Variants in RASAL2 observed in about 807,000 individuals in gnomAD.
The protein encoded by RASAL2 is RAS protein activator like 2.
Under a neutral mutation model 128.9 loss-of-function variants are expected in RASAL2, and 58 were observed. The observed-to-expected ratio is 0.45, with a 90% CI of 0.36 to 0.56. The LOEUF is 0.56. Ranked by LOEUF, RASAL2 falls within the 20% of genes least tolerant of loss-of-function variation. The pLI, the probability that RASAL2 is intolerant of heterozygous loss-of-function variation, is 0.00. For missense variants in RASAL2, 1,360 were observed against 1,601.6 expected (o/e 0.85, Z 2.57); for synonymous variants, 561 against 580.8 (o/e 0.97, Z 0.49).
At chr1:178,148,289 C>A (rs942396726) in intron 1 of RASAL2, among the ~76,000 whole-genome samples, 18 of 151,806 alleles carry the variant, frequency 1.2e-4, no homozygotes, top group African/African-American at 4.1e-4. Flanking sequence ...TCAGTTTTGA[C>A]CCCTGTGGGG....
At position 178,452,509 on chromosome 1, in the gene RASAL2, T is replaced by G; in HGVS notation, c.1866T>G (p.Ser622Arg). The change falls in exon 11 of 18, where the codon AGT becomes AGG. Residue 622 changes from serine (S) to arginine (R), a missense_variant. This residue lies in a region of RASAL2 where 741 missense variants were observed against 868.6 expected (regional missense o/e 0.85). Coordinates refer to ENST00000367649, the MANE Select transcript of RASAL2 (RefSeq NM_170692.4). ...AAGACATCAGCGAGAGGCTCATCAGTGCCTCATTATTTCTCCGTTTTCTGT... is the reference window on the plus strand; with the variant it reads ...AAGACATCAGCGAGAGGCTCATCAGGGCCTCATTATTTCTCCGTTTTCTGT... ...GKQDISERLI[S>R]ASLFLRFLCP... is the part of the protein sequence containing the mutation. The G allele has an allele frequency of 6.2e-7, 1 of 1,614,034 alleles. No homozygotes were observed. Among genetic ancestry groups the G allele is most frequent in the Non-Finnish European group, 8.5e-7 (1 of 1,179,910 alleles).
At chr1:178,234,999 G>A (rs922284933) in intron 1 of RASAL2, among the ~76,000 whole-genome samples, 2 of 152,046 alleles carry the variant, frequency 1.3e-5, no homozygotes, top group African/African-American at 2.4e-5. Context: ...GAATTTTAGT[G>A]ATACTCTTAA....
intron 4 of RASAL2, among the ~76,000 whole-genome samples, chr1:178,415,193 G>A (rs942483489): frequency 1.3e-5 from 2 of 151,876 alleles, no homozygotes; most frequent in African/African-American, 4.8e-5. Flanking sequence ...TCTAGTATAT[G>A]CATTCAATGC....
At chr1:178,441,062 G>A (rs946746914) in intron 6 of RASAL2, among the ~76,000 whole-genome samples, 5 of 124,020 alleles carry the variant, frequency 4.0e-5, no homozygotes, top group Admixed American at 1.7e-4. Flanking sequence ...TTCCTTGGAT[G>A]AATTTAAAAT....
At chr1:178,218,393 TAGTC>T (rs766308457) in intron 1 of RASAL2, among the ~76,000 whole-genome samples, 6 of 152,136 alleles carry the variant, frequency 3.9e-5, no homozygotes, top group Non-Finnish European at 5.9e-5. Flanking sequence ...GGGCTTAATA[TAGTC>T]AGTATGCGGC....
At chr1:178,332,639 T>A (rs1349794962) in intron 3 of RASAL2, among the ~76,000 whole-genome samples, 2 of 143,224 alleles carry the variant, frequency 1.4e-5, no homozygotes, top group East Asian at 4.1e-4. Context: ...TGAGACGGAG[T>A]CTCACTCTGC....
chr1:178,442,641 A>C (rs1406212766), intron 7 of RASAL2, 34 bp from the exon 8 acceptor site: 2 of 1,543,894 alleles, frequency 1.3e-6, no homozygotes, highest in African/African-American at 1.4e-5. Flanking sequence ...CTGCAATGTC[A>C]GCTCTGAAAT....
At chr1:178,267,268 A>G (rs1310126164) in intron 1 of RASAL2, among the ~76,000 whole-genome samples, 2 of 152,154 alleles carry the variant, frequency 1.3e-5, no homozygotes, top group African/African-American at 2.4e-5. Context: ...CAAATAATAT[A>G]CATACACTGT....
chr1:178,429,847 A>G (rs1254996239), intron 5 of RASAL2, among the ~76,000 whole-genome samples: 1 of 151,950 alleles, frequency 6.6e-6, no homozygotes, highest in Non-Finnish European at 1.5e-5. Flanking sequence ...TGTCAAGCTC[A>G]CTTCTAGTTC....
intron 1 of RASAL2, among the ~76,000 whole-genome samples, chr1:178,158,664 C>T (rs886345587): frequency 6.6e-6 from 1 of 152,168 alleles, no homozygotes; most frequent in African/African-American, 2.4e-5. Flanking sequence ...ATAGAAGAAT[C>T]GTTAGTATCA....
Position 178,411,169 on chromosome 1 carries a change from C to CGT in RASAL2, c.565-9342_565-9341insGT, listed in dbSNP as rs1231159229. The stretch of plus-strand genomic sequence containing the variant: ...AAAATGTGGTGTGTGTGTGTGTACA[C>CGT]ACACACACACACACACACACACACC... On this transcript the variant is annotated intron_variant, in intron 4 of 17. Transcript: ENST00000367649. Among the ~76,000 whole-genome samples, 59 of 3,730 alleles carry CGT rather than the reference C, an allele frequency of 0.016. No individual in the cohort carries two copies. In the East Asian group the frequency reaches 0.21, roughly 13 times the overall value. The allele number at this position is 3,730 out of a possible 152,430, so 2.4% of individuals were successfully genotyped here.
At chr1:178,411,968 C>T (rs1227033050) in intron 4 of RASAL2, 1 of 583,374 alleles carries the variant, frequency 1.7e-6, no homozygotes, top group Non-Finnish European at 3.1e-6. Context: ...CCCATCCCCT[C>T]TTGACGGCAC....
At chr1:178,382,528 A>G (rs1284224641) in intron 3 of RASAL2, among the ~76,000 whole-genome samples, 1 of 152,156 alleles carries the variant, frequency 6.6e-6, no homozygotes, top group Non-Finnish European at 1.5e-5. Context: ...ATGCATGGCA[A>G]TTAAAGCTGT....
In RASAL2 at chr1:178,465,343, T is replaced by C. The variant is rs763635528; in HGVS notation, c.3388-577T>C. ...AATAACCTCTGCCATGAAAGTCTTATTGATTCATGGGCTTAACATTATAGA... is the reference window on the plus strand; with the variant it reads ...AATAACCTCTGCCATGAAAGTCTTACTGATTCATGGGCTTAACATTATAGA... On this transcript the variant is annotated intron_variant, in intron 15 of 17. Coordinates refer to ENST00000367649, the MANE Select transcript of RASAL2 (RefSeq NM_170692.4). Among the ~76,000 whole-genome samples, 6 of 152,202 alleles carry C rather than the reference T, an allele frequency of 3.9e-5. No homozygotes were observed. The South Asian group carries it at 1.2e-3, about 31-fold the overall frequency.
intron 5 of RASAL2, among the ~76,000 whole-genome samples, chr1:178,434,016 G>A (rs922779870): frequency 6.6e-6 from 1 of 151,932 alleles, no homozygotes; most frequent in Admixed American, 6.6e-5. Context: ...TAAAAGTCTA[G>A]CAACTGAAAT....
chr1:178,266,002 CTGTTGG>C (rs1233758984), intron 1 of RASAL2, among the ~76,000 whole-genome samples: 1 of 152,074 alleles, frequency 6.6e-6, no homozygotes, highest in African/African-American at 2.4e-5. Context: ...ATCCATTTTA[CTGTTGG>C]TTTTTATTTT....
chr1:178,276,359 TTTTCC>T (rs1262809582), intron 1 of RASAL2, among the ~76,000 whole-genome samples: 1 of 152,188 alleles, frequency 6.6e-6, no homozygotes, highest in Non-Finnish European at 1.5e-5. Flanking sequence ...CCTGACTGGA[TTTTCC>T]TTTCCTTTTG....
intron 1 of RASAL2, among the ~76,000 whole-genome samples, chr1:178,216,293 C>T (rs1443558388): frequency 6.6e-6 from 1 of 152,124 alleles, no homozygotes; most frequent in Non-Finnish European, 1.5e-5. Context: ...TCGATCTTGT[C>T]GTTGATTTAC....
At chr1:178,131,409 CAG>C (rs1219268266) in intron 1 of RASAL2, among the ~76,000 whole-genome samples, 9 of 95,446 alleles carry the variant, frequency 9.4e-5, no homozygotes, top group South Asian at 6.9e-4. Context: ...TTTGTGGAGA[CAG>C]GGTACGTATT....
Sources: allele counts gnomAD v4.1 joint callset (sites outside exome capture counted in the v4.1 genomes callset), GRCh38; gene constraint gnomAD v4.1.1; regional missense constraint gnomAD v4.1.1; transcripts MANE v1.5; gene names NCBI Gene and HGNC (gene_info 2026-07-23, HGNC 2026-07-21).